The following SHTN1 variants were observed in gnomAD, a reference collection of about 807,000 sequenced individuals.
SHTN1 encodes shootin 1, also known as shootin-1.
Under a neutral mutation model 83.1 loss-of-function variants are expected in SHTN1, and 42 were observed. That is an observed-to-expected ratio of 0.51 (90% CI 0.39 to 0.65). SHTN1 has a LOEUF of 0.65. Ranked by LOEUF, SHTN1 falls within the 30% of genes least tolerant of loss-of-function variation. The pLI is 0.00. For missense variants in SHTN1, 622 were observed against 737.8 expected, an observed-to-expected ratio of 0.84 and a Z score of 1.82; for synonymous variants, 224 against 247.7, an observed-to-expected ratio of 0.90 and a Z score of 0.90.
At chr10:117,093,218 A>T (rs952763785) in intron 1 of SHTN1, among the ~76,000 whole-genome samples, 1 of 152,182 alleles carries the variant, frequency 6.6e-6, no homozygotes, top group South Asian at 2.1e-4. Context: ...AGATACATAC[A>T]ATTAGAAATT....
At chr10:116,899,550 A>T (rs2627191) in intron 16 of SHTN1, among the ~76,000 whole-genome samples, 11,671 of 44,870 alleles carry the variant, frequency 0.26, 545 homozygotes, top group Middle Eastern at 0.36. Context: ...TGTGTGTGAG[A>T]GAGTGCATGC....
exon 1 of SHTN1, chr10:117,126,326 C>T (rs1024162470): frequency 1.5e-4 from 25 of 163,962 alleles, no homozygotes; most frequent in Admixed American, 1.1e-3. Flanking sequence ...GGTGAGGCCC[C>T]GGCCTCCGTC....
intron 1 of SHTN1, among the ~76,000 whole-genome samples, chr10:117,094,619 T>A (rs1489751410): frequency 6.6e-6 from 1 of 152,186 alleles, no homozygotes; most frequent in East Asian, 1.9e-4. Context: ...GGTAAGAGGC[T>A]TCCCAGAAGA....
At chr10:117,011,455 ATGTC>A (rs1292176918) in intron 2 of SHTN1, among the ~76,000 whole-genome samples, 2 of 152,172 alleles carry the variant, frequency 1.3e-5, no homozygotes, top group African/African-American at 4.8e-5. Flanking sequence ...ATTAGTCAAT[ATGTC>A]TGTCCTTATG....
intron 2 of SHTN1, among the ~76,000 whole-genome samples, chr10:117,042,033 T>C (rs897923466): frequency 2.6e-5 from 4 of 152,196 alleles, no homozygotes; most frequent in African/African-American, 9.6e-5. Flanking sequence ...TTTTTGAGTA[T>C]GTATGTTAGT....
At chr10:116,899,394 C>G (rs1015074343) in intron 16 of SHTN1, among the ~76,000 whole-genome samples, 4 of 151,912 alleles carry the variant, frequency 2.6e-5, no homozygotes, top group African/African-American at 9.7e-5. Flanking sequence ...AGGGAGTAAG[C>G]CATGCAGCTC....
chr10:116,883,461 GATA>G lies in SHTN1; in HGVS notation c.*2880_*2882del, dbSNP rs1847079964. 1 of 152,184 alleles carries G rather than the reference GATA, an allele frequency of 6.6e-6. No individual in the cohort carries two copies. The highest frequency in any genetic ancestry group is 2.4e-5 in the African/African-American group (1 of 41,442). 9.4% of individuals were successfully genotyped at this position (152,184 alleles called of 1,614,324 possible). A position where few individuals can be genotyped will look rare whatever the true frequency, so the allele number is the denominator to read the frequency against. On this transcript the variant is annotated 3_prime_UTR_variant, in exon 17 of 17. Coordinates refer to ENST00000355371, the MANE Select transcript of SHTN1 (RefSeq NM_001127211.3). ...GCTTGATGAGTCTTTGAAGGTCAGT[GATA>G]ATGACAGATGGTTATCCATTCTCGA...
intron 14 of SHTN1, among the ~76,000 whole-genome samples, chr10:116,910,190 G>A (rs560293809): frequency 6.6e-6 from 1 of 152,138 alleles, no homozygotes; most frequent in Non-Finnish European, 1.5e-5. Flanking sequence ...ACTTCTATGG[G>A]GGAAGAGGAG....
chr10:116,956,835 G>C (rs1051542944), intron 4 of SHTN1, among the ~76,000 whole-genome samples: 29 of 152,088 alleles, frequency 1.9e-4, no homozygotes, highest in African/African-American at 6.3e-4. Context: ...AAGCCAATCA[G>C]AAAATTTCAT....
intron 2 of SHTN1, among the ~76,000 whole-genome samples, chr10:117,017,625 T>C (rs962495543): frequency 6.6e-6 from 1 of 151,914 alleles, no homozygotes; most frequent in Non-Finnish European, 1.5e-5. Flanking sequence ...AGGAAAAAAG[T>C]GTTATTTTAG....
intron 1 of SHTN1, among the ~76,000 whole-genome samples, chr10:117,059,839 A>G (rs1043376959): frequency 8.5e-5 from 13 of 152,202 alleles, no homozygotes; most frequent in Non-Finnish European, 2.9e-5. Flanking sequence ...GAAACTGGCT[A>G]AAGGATACAT....
At chr10:116,921,313 T>C (rs1564877348) in intron 12 of SHTN1, 121 bp downstream of exon 12, 3 of 649,410 alleles carry the variant, frequency 4.6e-6, no homozygotes, top group Admixed American at 2.9e-5. Flanking sequence ...TTCTTACAGC[T>C]GTTCAGTGCT....
intron 1 of SHTN1, among the ~76,000 whole-genome samples, chr10:117,102,914 T>C (rs1272331818): frequency 6.6e-6 from 1 of 152,148 alleles, no homozygotes; most frequent in Non-Finnish European, 1.5e-5. Context: ...TTCTATTATC[T>C]GATTAAAAGG....
chr10:116,937,681 T>G (rs959742933), intron 9 of SHTN1, among the ~76,000 whole-genome samples: 2 of 152,092 alleles, frequency 1.3e-5, no homozygotes, highest in African/African-American at 4.8e-5. Flanking sequence ...TGGTGTTTTC[T>G]GTGTTTTCTG....
intron 15 of SHTN1, among the ~76,000 whole-genome samples, chr10:116,905,295 G>A (rs1336302329): frequency 6.6e-6 from 1 of 151,740 alleles, no homozygotes; most frequent in Non-Finnish European, 1.5e-5. Flanking sequence ...CACTGATTAA[G>A]TCACAAAATG....
intron 1 of SHTN1, among the ~76,000 whole-genome samples, chr10:117,112,382 T>G (rs1222831953): frequency 6.6e-6 from 1 of 152,164 alleles, no homozygotes; most frequent in Non-Finnish European, 1.5e-5. Flanking sequence ...ACACAAAGGT[T>G]GGTATCACAT....
At chr10:117,089,008 G>A (rs1853390080) in intron 1 of SHTN1, among the ~76,000 whole-genome samples, 1 of 152,122 alleles carries the variant, frequency 6.6e-6, no homozygotes, top group South Asian at 2.1e-4. Flanking sequence ...TGGTGGTAAA[G>A]GCAGAATAAA....
At chr10:117,067,858 T>A (rs973649976) in intron 1 of SHTN1, among the ~76,000 whole-genome samples, 1 of 152,032 alleles carries the variant, frequency 6.6e-6, no homozygotes, top group African/African-American at 2.4e-5. Flanking sequence ...GATGGAAATA[T>A]CAACAATAAA....
chr10:116,994,946 A>C (rs1290498999), intron 1 of SHTN1, among the ~76,000 whole-genome samples: 1 of 152,092 alleles, frequency 6.6e-6, no homozygotes, highest in East Asian at 1.9e-4. Flanking sequence ...CTAACCTTTG[A>C]GTTATTATTT....
Sources: allele counts gnomAD v4.1 joint callset (sites outside exome capture counted in the v4.1 genomes callset), GRCh38; gene constraint gnomAD v4.1.1; transcripts MANE v1.5; gene names NCBI Gene and HGNC (gene_info 2026-07-23, HGNC 2026-07-21).